Variants in STK32B observed in about 807,000 individuals in gnomAD.
The protein encoded by STK32B is serine/threonine kinase 32B.
In STK32B, 43 loss-of-function variants were observed where a neutral mutation model predicts 52.6. The ratio of observed to expected loss-of-function variants is 0.82; its 90% CI spans 0.64 to 1.05. The LOEUF (loss-of-function observed/expected upper bound fraction) is 1.05. Among genes scored for constraint, STK32B ranks in the 50% least tolerant of loss-of-function variants. STK32B has a pLI of 0.00. For synonymous variants in STK32B, 238 were observed against 204.3 expected (o/e 1.17, Z -1.41); for missense variants, 621 against 534.6 (o/e 1.16, Z -1.59).
chr4:5,266,528 GA>G (rs1308371193), intron 3 of STK32B, among the ~76,000 whole-genome samples: 2 of 152,184 alleles, frequency 1.3e-5, no homozygotes, highest in Non-Finnish European at 2.9e-5. Flanking sequence ...TGAACTCCGG[GA>G]AAAGGTGAGG....
intron 3 of STK32B, among the ~76,000 whole-genome samples, chr4:5,200,925 T>C (rs2108775326): frequency 6.6e-6 from 1 of 152,258 alleles, no homozygotes; most frequent in South Asian, 2.1e-4. Context: ...GGTTGAAACC[T>C]TGAAGCCACT....
rs1020030476 is a variant in STK32B, at chr4:5,467,348, G to A, written c.1041+514G>A. ...GGAGGGGCCGTCCTTGGCTCCCCAG[G>A]CTTCGAGTGGCGGCCGGCCCCCTTG... On this transcript the variant is annotated intron_variant, in intron 10 of 11. Transcript: ENST00000282908. The surrounding 1 kb of genome is among the most constrained non-coding windows in gnomAD (Gnocchi z 5.8). Among the ~76,000 whole-genome samples the A allele has an allele frequency of 1.3e-5, 2 of 152,188 alleles. No individual in the cohort carries two copies. Among genetic ancestry groups the A allele is most frequent in the African/African-American group, 4.8e-5 (2 of 41,460 alleles).
chr4:5,367,749 C>T (rs1734968309), intron 4 of STK32B, among the ~76,000 whole-genome samples: 1 of 152,136 alleles, frequency 6.6e-6, no homozygotes, highest in Non-Finnish European at 1.5e-5. Flanking sequence ...GTATCCTTTC[C>T]CGTTTGTGCC....
chr4:5,243,456 C>T (rs1017547915), intron 3 of STK32B, among the ~76,000 whole-genome samples: 23 of 152,220 alleles, frequency 1.5e-4, no homozygotes, highest in Admixed American at 5.2e-4. Flanking sequence ...TGAAGTTGCT[C>T]ATCAGCTTAA....
intron 5 of STK32B, among the ~76,000 whole-genome samples, chr4:5,404,439 A>G (rs1271659632): frequency 6.6e-6 from 1 of 152,190 alleles, no homozygotes; most frequent in Non-Finnish European, 1.5e-5. Flanking sequence ...TGACTTCATC[A>G]TAATGTGTGT....
intron 11 of STK32B, among the ~76,000 whole-genome samples, chr4:5,485,381 G>A (rs1013989700): frequency 5.3e-5 from 8 of 151,860 alleles, no homozygotes; most frequent in East Asian, 3.9e-4. Flanking sequence ...TGATCGAATC[G>A]GCTACTGAGG....
intron 4 of STK32B, among the ~76,000 whole-genome samples, chr4:5,382,444 C>A (rs1459015198): frequency 2.0e-5 from 3 of 152,116 alleles, no homozygotes; most frequent in African/African-American, 7.2e-5. Context: ...TTGGGGTCAT[C>A]TGCATTCCTC....
At chr4:5,231,120 A>G (rs1724233153) in intron 3 of STK32B, among the ~76,000 whole-genome samples, 1 of 152,152 alleles carries the variant, frequency 6.6e-6, no homozygotes, top group African/African-American at 2.4e-5. Flanking sequence ...GAAACTCCAC[A>G]TCACTCTCAC....
intron 4 of STK32B, among the ~76,000 whole-genome samples, chr4:5,381,123 G>T (rs1387127552): frequency 6.6e-6 from 1 of 152,226 alleles, no homozygotes; most frequent in Non-Finnish European, 1.5e-5. Context: ...TAAGTAGACA[G>T]TAGTGCCTGG....
At chr4:5,161,514 T>C (rs1718444306) in intron 2 of STK32B, among the ~76,000 whole-genome samples, 1 of 152,158 alleles carries the variant, frequency 6.6e-6, no homozygotes, top group African/African-American at 2.4e-5. Context: ...AGGAAGAAAG[T>C]TGGAGAAGAG....
rs183549727 is a variant in STK32B, at chr4:5,252,303, G to T, written c.261-78917G>T. The stretch of plus-strand genomic sequence containing the variant: ...TTTAGGGCCAGTGCTAGACACATTG[G>T]ATAAAGAACCTCCAATTCTTATAAG... On this transcript the variant is annotated intron_variant, in intron 3 of 11. Coordinates refer to ENST00000282908, the MANE Select transcript of STK32B (RefSeq NM_018401.3). Among the ~76,000 whole-genome samples, 9 of 152,312 alleles carry T rather than the reference G, an allele frequency of 5.9e-5. No homozygotes were observed. The East Asian group carries it at 1.7e-3, about 29-fold the overall frequency.
rs139659521 is a variant in STK32B at position 5,335,439 on chromosome 4, T to G, written c.434+4046T>G. Among the ~76,000 whole-genome samples the G allele has an allele frequency of 8.2e-3, 1,246 of 152,320 alleles. 15 individuals are homozygous for G. The highest frequency in any genetic ancestry group is 0.013 in the Non-Finnish European group (909 of 68,034). On this transcript the variant is annotated intron_variant, in intron 4 of 11. Coordinates refer to ENST00000282908, the MANE Select transcript of STK32B (RefSeq NM_018401.3). ...CTTTCAAAAAAACCAGCTCCTGGAT[T>G]CATTAATTTTTTCAATGGTTTTTTA...
Position 5,378,556 on chromosome 4 carries a change from A to G in STK32B, c.435-19651A>G, listed in dbSNP as rs1296532137. ...TCTTTTTTTGCATTCTATAGTATTG[A>G]TAGGGTTTGTTATGCCCTTTGTCTT... On this transcript the variant is annotated intron_variant, in intron 4 of 11. Coordinates refer to ENST00000282908, the MANE Select transcript of STK32B (RefSeq NM_018401.3). This position sits in a 1 kb window ranked among gnomAD's most constrained non-coding sequence, Gnocchi z 4.4. Among the ~76,000 whole-genome samples the G allele has an allele frequency of 6.6e-6, 1 of 151,636 alleles. No individual in the cohort carries two copies. The highest frequency in any genetic ancestry group is 1.5e-5 in the Non-Finnish European group (1 of 67,968).
chr4:5,490,897 A>T (rs1719672988), intron 11 of STK32B, among the ~76,000 whole-genome samples: 1 of 152,236 alleles, frequency 6.6e-6, no homozygotes, highest in Non-Finnish European at 1.5e-5. Context: ...TACAAAGGAC[A>T]TGAACTCATC....
At chr4:5,164,214 C>G (rs575685338) in intron 2 of STK32B, among the ~76,000 whole-genome samples, 1 of 152,274 alleles carries the variant, frequency 6.6e-6, no homozygotes, top group East Asian at 1.9e-4. Context: ...AGGGTAGATT[C>G]CTTCTAGAGG....
At chr4:5,153,665 C>T (rs1252501720) in intron 2 of STK32B, among the ~76,000 whole-genome samples, 2 of 152,070 alleles carry the variant, frequency 1.3e-5, no homozygotes, top group African/African-American at 4.8e-5. Context: ...TCTTGCCACA[C>T]CTATACACAT....
At chr4:5,291,845 G>A (rs6847229) in intron 3 of STK32B, among the ~76,000 whole-genome samples, 4 of 151,848 alleles carry the variant, frequency 2.6e-5, no homozygotes, top group Admixed American at 6.6e-5. Flanking sequence ...TTGAGGAAAC[G>A]CCTTTCTGTC....
intron 4 of STK32B, among the ~76,000 whole-genome samples, chr4:5,334,473 T>TC (rs1732492229): frequency 6.6e-6 from 1 of 152,182 alleles, no homozygotes; most frequent in Non-Finnish European, 1.5e-5. Flanking sequence ...CTTTATTTCC[T>TC]TCTCCTGCCT....
chr4:5,199,519 A>T (rs1721957836), intron 3 of STK32B, among the ~76,000 whole-genome samples: 1 of 150,576 alleles, frequency 6.6e-6, no homozygotes, highest in African/African-American at 2.5e-5. Flanking sequence ...TCTCTGAATC[A>T]CTGCATGTTC....
Sources: gnomAD v4.1 joint callset for allele counts (sites outside exome capture counted in the v4.1 genomes callset) on GRCh38, gnomAD v4.1.1 for gene constraint, Gnocchi (gnomAD v3.1) non-coding constraint, MANE v1.5 for transcripts, NCBI Gene and HGNC (gene_info 2026-07-23, HGNC 2026-07-21) for gene names.